The following KIRREL3 variants were observed in gnomAD, a reference collection of about 807,000 sequenced individuals.
The protein encoded by KIRREL3 is kin of IRRE-like protein 3.
In KIRREL3, 36 loss-of-function variants were observed where a neutral mutation model predicts 89.7. The observed-to-expected ratio is 0.40, with a 90% CI of 0.31 to 0.53. The LOEUF (loss-of-function observed/expected upper bound fraction) is 0.53. Among genes scored for constraint, KIRREL3 ranks in the 20% least tolerant of loss-of-function variants. The pLI is 0.49. For synonymous variants in KIRREL3, 445 were observed against 441.4 expected (o/e 1.01, Z -0.10); for missense variants, 864 against 1,056.6 (o/e 0.82, Z 2.53).
chr11:126,934,000 C>CA (rs60806775), intron 1 of KIRREL3, among the ~76,000 whole-genome samples: 49 of 146,702 alleles, frequency 3.3e-4, no homozygotes, highest in African/African-American at 9.5e-4. Context: ...CTGGAAAAGA[C>CA]AAAAAAAAAA....
chr11:126,525,242 C>G lies in KIRREL3; in HGVS notation c.283+1296G>C, dbSNP rs1320204021. Among the ~76,000 whole-genome samples the G allele has an allele frequency of 6.6e-6, 1 of 152,220 alleles. No homozygotes were observed. Among genetic ancestry groups the G allele is most frequent in the African/African-American group, 2.4e-5 (1 of 41,448 alleles). ...ACTGACCGGGACCCCAGACAGCCTC[C>G]TTAACTAGCGGCAGCGCTCATCCCA... On this transcript the variant is annotated intron_variant, in intron 3 of 16. Transcript: ENST00000525144. The surrounding 1 kb of genome is among the most constrained non-coding windows in gnomAD (Gnocchi z 5.4).
chr11:126,513,998 T>C lies in KIRREL3; in HGVS notation c.433+7317A>G, dbSNP rs1045050829. Among the ~76,000 whole-genome samples, 5 of 151,994 alleles carry C rather than the reference T, an allele frequency of 3.3e-5. No individual in the cohort carries two copies. The highest frequency in any genetic ancestry group is 7.4e-5 in the Non-Finnish European group (5 of 67,988). ...CCCAGCAGGTGAGCTCCGAGTTAGA[T>C]GGGAGGCTAAGGTGGTGTCAGTGGC... On this transcript the variant is annotated intron_variant, in intron 4 of 16. Coordinates refer to ENST00000525144, the MANE Select transcript of KIRREL3 (RefSeq NM_032531.4). The surrounding 1 kb of genome is among the most constrained non-coding windows in gnomAD (Gnocchi z 5.9).
chr11:126,992,901 C>G (rs1161779682), intron 1 of KIRREL3, among the ~76,000 whole-genome samples: 1 of 152,158 alleles, frequency 6.6e-6, no homozygotes, highest in African/African-American at 2.4e-5. Flanking sequence ...TTTCCATGAT[C>G]TTTTTTCTTC....
chr11:126,476,650 A>G lies in KIRREL3; in HGVS notation c.434-3184T>C, dbSNP rs1156819549. Among the ~76,000 whole-genome samples, 2 of 20,722 alleles carry G rather than the reference A, an allele frequency of 9.7e-5. No homozygotes were observed. Among genetic ancestry groups the G allele is most frequent in the African/African-American group, 4.5e-4 (2 of 4,442 alleles). 13.6% of individuals were successfully genotyped at this position (20,722 alleles called of 152,430 possible). ...TGGTCTTCGCTTCACTGCACACCAGATGGGGGTGGGGGCTGGGGGGGGGTG... is the reference window on the plus strand; with the variant it reads ...TGGTCTTCGCTTCACTGCACACCAGGTGGGGGTGGGGGCTGGGGGGGGGTG... On this transcript the variant is annotated intron_variant, in intron 4 of 16. Transcript: ENST00000525144. This position sits in a 1 kb window ranked among gnomAD's most constrained non-coding sequence, Gnocchi z 6.4.
At position 126,526,710 on chromosome 11, in the gene KIRREL3, G is replaced by A; in HGVS notation, c.134-23C>T. ...GGCCTGGGAAGGAGACAAACACAATGGTCAGTTATCTGCCGGCTACAGGGG... is the reference window on the plus strand; with the variant it reads ...GGCCTGGGAAGGAGACAAACACAATAGTCAGTTATCTGCCGGCTACAGGGG... On this transcript the variant is annotated intron_variant, in intron 2 of 16. Coordinates refer to ENST00000525144, the MANE Select transcript of KIRREL3 (RefSeq NM_032531.4). This position sits in a 1 kb window ranked among gnomAD's most constrained non-coding sequence, Gnocchi z 5.7. The A allele has an allele frequency of 6.5e-7, 1 of 1,549,216 alleles. No individual in the cohort carries two copies. The highest frequency in any genetic ancestry group is 8.7e-7 in the Non-Finnish European group (1 of 1,144,390).
At chr11:126,646,083 A>T (rs113095549) in intron 1 of KIRREL3, among the ~76,000 whole-genome samples, 27 of 152,248 alleles carry the variant, frequency 1.8e-4, no homozygotes, top group African/African-American at 6.5e-4. Flanking sequence ...CAAGGCAATA[A>T]TGCTTTACAG....
Position 126,987,919 on chromosome 11 carries a change from A to T in KIRREL3, c.55+12536T>A, listed in dbSNP as rs1949915667. Among the ~76,000 whole-genome samples, 1 of 152,206 alleles carries T rather than the reference A, an allele frequency of 6.6e-6. No individual in the cohort carries two copies. Among genetic ancestry groups the T allele is most frequent in the Non-Finnish European group, 1.5e-5 (1 of 68,044 alleles). ...GACACAAGGTAAGTTGTACCAGCCG[A>T]GACCAAAGTGAAAAGAATCATAGGC... On this transcript the variant is annotated intron_variant, in intron 1 of 16. Transcript: ENST00000525144. This position sits in a 1 kb window ranked among gnomAD's most constrained non-coding sequence, Gnocchi z 4.6.
intron 7 of KIRREL3, among the ~76,000 whole-genome samples, chr11:126,452,779 G>A (rs1381978727): frequency 6.6e-6 from 1 of 152,168 alleles, no homozygotes; most frequent in Admixed American, 6.5e-5. Flanking sequence ...TGGGTCCGCA[G>A]GAGCCCAAGC....
At position 126,955,901 on chromosome 11, in the gene KIRREL3, A is replaced by G. The variant is rs1405288577; in HGVS notation, c.55+44554T>C. ...ACCACTGATGCCCCAGTTCTTAAGT[A>G]TTTTTAATATTACCCTGGAAACATG... On this transcript the variant is annotated intron_variant, in intron 1 of 16. Transcript: ENST00000525144. This position sits in a 1 kb window ranked among gnomAD's most constrained non-coding sequence, Gnocchi z 4.6. Among the ~76,000 whole-genome samples the G allele has an allele frequency of 6.6e-6, 1 of 152,138 alleles. No individual in the cohort carries two copies. The highest frequency in any genetic ancestry group is 6.5e-5 in the Admixed American group (1 of 15,288).
In KIRREL3 at chr11:126,890,426, C is replaced by T. The variant is rs1015235241; in HGVS notation, c.55+110029G>A. 2.5e-4 allele frequency among the ~76,000 whole-genome samples: 38 copies of T among 152,344 alleles called. No individual in the cohort carries two copies. The highest frequency in any genetic ancestry group is 7.2e-4 in the African/African-American group (30 of 41,582). The stretch of plus-strand genomic sequence containing the variant: ...TAATGTGACCTATTATCCAGCAACT[C>T]CCATCTATTTCTGAAAACTCCACGT... On this transcript the variant is annotated intron_variant, in intron 1 of 16. Transcript: ENST00000525144. The surrounding 1 kb of genome is among the most constrained non-coding windows in gnomAD (Gnocchi z 5.1).
chr11:126,834,714 C>T (rs554702995), intron 1 of KIRREL3, among the ~76,000 whole-genome samples: 2 of 152,346 alleles, frequency 1.3e-5, no homozygotes, highest in South Asian at 2.1e-4. Flanking sequence ...TCCTCACCGG[C>T]GCACCTCATG....
intron 1 of KIRREL3, among the ~76,000 whole-genome samples, chr11:126,885,972 T>G (rs911917947): frequency 6.6e-6 from 1 of 152,246 alleles, no homozygotes; most frequent in Middle Eastern, 3.2e-3. Flanking sequence ...AGAAACAGTT[T>G]TCTTTCTTCC....
At chr11:126,741,569 A>G (rs10893560) in intron 1 of KIRREL3, among the ~76,000 whole-genome samples, 59,315 of 152,132 alleles carry the variant, frequency 0.39, 12,630 homozygotes, top group East Asian at 0.82. Flanking sequence ...GTCCACAACA[A>G]GGGCCATAGG....
rs1486963802 is a variant in KIRREL3 at position 126,558,794 on chromosome 11, G to A, written c.133+4041C>T. On this transcript the variant is annotated intron_variant, in intron 2 of 16. Coordinates refer to ENST00000525144, the MANE Select transcript of KIRREL3 (RefSeq NM_032531.4). The surrounding 1 kb of genome is among the most constrained non-coding windows in gnomAD (Gnocchi z 4.0). ...AGAGGTCATAAAGGGGGAGGGCCAGGAAGGGGAGGTGAAGGTTGTGTGCGT... is the reference window on the plus strand; with the variant it reads ...AGAGGTCATAAAGGGGGAGGGCCAGAAAGGGGAGGTGAAGGTTGTGTGCGT... 6.6e-6 allele frequency among the ~76,000 whole-genome samples: 1 copy of A among 152,218 alleles called. No individual in the cohort carries two copies. The highest frequency in any genetic ancestry group is 1.5e-5 in the Non-Finnish European group (1 of 68,038).
intron 1 of KIRREL3, among the ~76,000 whole-genome samples, chr11:126,700,206 A>AG (rs1491208020): frequency 1.8e-5 from 2 of 110,502 alleles, no homozygotes. Context: ...AAAAAAAAAA[A>AG]AGAGAGAGAG....
intron 1 of KIRREL3, among the ~76,000 whole-genome samples, chr11:126,857,420 A>G (rs12285912): frequency 0.035 from 5,362 of 152,286 alleles, 114 homozygotes; most frequent in African/African-American, 0.057. Flanking sequence ...AGAAAGTCCA[A>G]TACACTCTAA....
intron 9 of KIRREL3, 54 bp downstream of exon 9, chr11:126,446,705 C>T (rs965015110): frequency 1.1e-4 from 171 of 1,545,390 alleles, no homozygotes; most frequent in Non-Finnish European, 1.4e-4. Flanking sequence ...CCTTCTTGCT[C>T]CACTGTCCCC....
intron 1 of KIRREL3, among the ~76,000 whole-genome samples, chr11:126,966,525 C>G (rs949326561): frequency 3.3e-5 from 5 of 152,168 alleles, no homozygotes; most frequent in African/African-American, 1.2e-4. Context: ...CTGGCCTTCA[C>G]ACTTTAGGCC....
intron 1 of KIRREL3, among the ~76,000 whole-genome samples, chr11:126,717,286 T>A (rs1256420103): frequency 6.6e-6 from 1 of 152,156 alleles, no homozygotes; most frequent in Non-Finnish European, 1.5e-5. Flanking sequence ...CAATAACAGC[T>A]CCCGTCCAAG....
Sources: allele counts gnomAD v4.1 joint callset (sites outside exome capture counted in the v4.1 genomes callset), GRCh38; gene constraint gnomAD v4.1.1; non-coding constraint Gnocchi (gnomAD v3.1); transcripts MANE v1.5; gene names NCBI Gene and HGNC (gene_info 2026-07-23, HGNC 2026-07-21).